The following RAB38 variants were observed in gnomAD, a reference collection of about 807,000 sequenced individuals.
RAB38 encodes the protein RAB38, member RAS oncogene family.
RAB38 carries 15 observed loss-of-function variants against 18.4 expected under a neutral mutation model. The ratio of observed to expected loss-of-function variants is 0.82; its 90% CI spans 0.55 to 1.26. RAB38 has a LOEUF of 1.26. RAB38 is among the 50% of genes most tolerant of loss of function. The probability of loss-of-function intolerance (pLI) is 0.00; values close to 1 mark genes in which losing one functional copy is unlikely to be tolerated. For synonymous variants in RAB38, 101 were observed against 104.4 expected, an observed-to-expected ratio of 0.97 and a Z score of 0.20; for missense variants, 294 against 267.4, an observed-to-expected ratio of 1.10 and a Z score of -0.69.
At chr11:88,159,743 CA>C (rs1478369557) in intron 1 of RAB38, among the ~76,000 whole-genome samples, 1 of 151,890 alleles carries the variant, frequency 6.6e-6, no homozygotes, top group African/African-American at 2.4e-5. Context: ...ACACCCTATT[CA>C]ATAAGTGGTG....
the RAB38 span, among the ~76,000 whole-genome samples, chr11:87,900,978 A>G: frequency 1.8e-3 from 266 of 151,678 alleles, no homozygotes; most frequent in African/African-American, 6.1e-3. Context: ...TCTTTCAGCT[A>G]TGCTCTCTGG....
the RAB38 span, among the ~76,000 whole-genome samples, chr11:87,965,029 T>C: frequency 6.6e-6 from 1 of 152,128 alleles, no homozygotes; most frequent in Admixed American, 6.6e-5. Flanking sequence ...AGATAATTCT[T>C]TGTTATATGG....
intron 2 of RAB38, among the ~76,000 whole-genome samples, chr11:88,125,860 A>C (rs922419834): frequency 5.3e-5 from 8 of 152,192 alleles, no homozygotes; most frequent in Non-Finnish European, 8.8e-5. Flanking sequence ...TCTAACATTT[A>C]AGTCTTTAAT....
At chr11:88,004,265 C>G in the RAB38 span, among the ~76,000 whole-genome samples, 33 of 149,596 alleles carry the variant, frequency 2.2e-4, no homozygotes, top group Non-Finnish European at 4.3e-4. Flanking sequence ...TTGATTACAG[C>G]AATTTGTAAA....
chr11:88,011,601 A>G, the RAB38 span, among the ~76,000 whole-genome samples: 1 of 152,324 alleles, frequency 6.6e-6, no homozygotes, highest in Non-Finnish European at 1.5e-5. Context: ...GAAAATTAAA[A>G]AGAGTAAATA....
At chr11:87,834,260 C>T in the RAB38 span, among the ~76,000 whole-genome samples, 1 of 152,148 alleles carries the variant, frequency 6.6e-6, no homozygotes, top group African/African-American at 2.4e-5. Context: ...TGAACTCAGC[C>T]AGCACTTTAA....
the RAB38 span, among the ~76,000 whole-genome samples, chr11:87,915,438 A>G: frequency 3.5e-4 from 53 of 152,254 alleles, 2 homozygotes; most frequent in African/African-American, 9.1e-4. Context: ...TGCTCATTAC[A>G]TGTATAATTA....
intron 2 of RAB38, among the ~76,000 whole-genome samples, chr11:88,125,181 C>T (rs1206750040): frequency 1.1e-4 from 17 of 152,148 alleles, no homozygotes; most frequent in East Asian, 3.8e-4. Flanking sequence ...CATACTTCAT[C>T]GAAAAAATAT....
chr11:88,124,448 C>T (rs995855154), intron 2 of RAB38, among the ~76,000 whole-genome samples: 1 of 152,166 alleles, frequency 6.6e-6, no homozygotes, highest in Admixed American at 6.5e-5. Flanking sequence ...ACAACCCCAT[C>T]AATAAGTGGG....
At chr11:88,030,334 C>G in the RAB38 span, among the ~76,000 whole-genome samples, 1 of 152,022 alleles carries the variant, frequency 6.6e-6, no homozygotes, top group African/African-American at 2.4e-5. Flanking sequence ...AAAGCAAGAG[C>G]AAACACATTC....
intron 2 of RAB38, among the ~76,000 whole-genome samples, chr11:88,140,626 A>T (rs989656217): frequency 1.3e-5 from 2 of 152,198 alleles, no homozygotes; most frequent in African/African-American, 2.4e-5. Flanking sequence ...GTCCTGAAGG[A>T]AGAGTGAGAG....
At chr11:87,854,177 A>G in the RAB38 span, among the ~76,000 whole-genome samples, 1 of 152,166 alleles carries the variant, frequency 6.6e-6, no homozygotes, top group African/African-American at 2.4e-5. Context: ...ATATATTCAT[A>G]GGTTCTATGA....
chr11:87,861,725 C>T, the RAB38 span, among the ~76,000 whole-genome samples: 2 of 151,862 alleles, frequency 1.3e-5, no homozygotes, highest in African/African-American at 4.8e-5. Flanking sequence ...TTTCATCAAA[C>T]ATGGGACATT....
chr11:88,079,486 A>G, the RAB38 span, among the ~76,000 whole-genome samples: 1 of 151,794 alleles, frequency 6.6e-6, no homozygotes, highest in Non-Finnish European at 1.5e-5. Flanking sequence ...TTACACCAAA[A>G]TTTTAGTACC....
At chr11:88,029,771 A>G in the RAB38 span, among the ~76,000 whole-genome samples, 1 of 152,076 alleles carries the variant, frequency 6.6e-6, no homozygotes, top group African/African-American at 2.4e-5. Flanking sequence ...ACTCCCACAC[A>G]TTAATAATGG....
the RAB38 span, among the ~76,000 whole-genome samples, chr11:87,869,650 A>G: frequency 6.6e-6 from 1 of 151,632 alleles, no homozygotes; most frequent in Non-Finnish European, 1.5e-5. Context: ...TTTTGAACTG[A>G]AAAAAATAAC....
At chr11:88,145,212 C>T (rs1342458869) in intron 2 of RAB38, among the ~76,000 whole-genome samples, 9 of 151,722 alleles carry the variant, frequency 5.9e-5, no homozygotes, top group African/African-American at 1.9e-4. Flanking sequence ...AGCAATGGCG[C>T]GATCTCAGGT....
the RAB38 span, among the ~76,000 whole-genome samples, chr11:87,953,402 TAGTAC>T: frequency 1.3e-5 from 2 of 152,192 alleles, no homozygotes; most frequent in African/African-American, 4.8e-5. Context: ...CTCTTAGCAA[TAGTAC>T]AGTAGTCCCC....
At chr11:88,133,168 C>T (rs971776651) in intron 2 of RAB38, among the ~76,000 whole-genome samples, 4 of 152,110 alleles carry the variant, frequency 2.6e-5, no homozygotes, top group African/African-American at 9.7e-5. Context: ...CCAGGTAAGA[C>T]AACCAGAATG....
Sources: gnomAD v4.1 joint callset for allele counts (sites outside exome capture counted in the v4.1 genomes callset) on GRCh38, gnomAD v4.1.1 for gene constraint, MANE v1.5 for transcripts, NCBI Gene and HGNC (gene_info 2026-07-23, HGNC 2026-07-21) for gene names.